The following NADSYN1 variants were observed in gnomAD, a reference collection of about 807,000 sequenced individuals.
NADSYN1 encodes NAD synthetase 1.
Under a neutral mutation model 99.3 loss-of-function variants are expected in NADSYN1, and 80 were observed. The observed-to-expected ratio is 0.81, with a 90% CI of 0.67 to 0.97. The LOEUF (loss-of-function observed/expected upper bound fraction) is 0.97. Ranked by LOEUF, NADSYN1 falls within the 50% of genes least tolerant of loss-of-function variation. The probability of loss-of-function intolerance (pLI) is 0.00; values close to 1 mark genes in which losing one functional copy is unlikely to be tolerated. For synonymous variants in NADSYN1, 385 were observed against 372.1 expected (o/e 1.03, Z -0.40); for missense variants, 859 against 948.5 (o/e 0.91, Z 1.24).
chr11:71,489,246 G>A (rs1949763675), intron 16 of NADSYN1, among the ~76,000 whole-genome samples: 1 of 152,104 alleles, frequency 6.6e-6, no homozygotes, highest in Non-Finnish European at 1.5e-5. Context: ...GGAACTCGGT[G>A]GTCCTGTATT....
At chr11:71,484,573 C>T in intron 15 of NADSYN1, 126 bp downstream of exon 15, 1 of 1,368,064 alleles carries the variant, frequency 7.3e-7, no homozygotes, top group Non-Finnish European at 9.7e-7. Context: ...CACCGGTTAC[C>T]TAGGGACAGC....
At position 71,481,908 on chromosome 11, in the gene NADSYN1, AT is replaced by A; in HGVS notation, c.1048-13del. 6.2e-7 allele frequency: 1 copy of A among 1,610,534 alleles called. No homozygotes were observed. Among genetic ancestry groups the A allele is most frequent in the South Asian group, 1.1e-5 (1 of 90,508 alleles). On this transcript the variant is annotated splice_polypyrimidine_tract_variant and intron_variant, in intron 12 of 20. Coordinates refer to ENST00000319023, the MANE Select transcript of NADSYN1 (RefSeq NM_018161.5). ...TCCGAGGCTCTGCTCACGCTGTCTG[AT>A]TGGTCCATTCCAGGCAGGGTTTTTG...
Position 71,488,129 on chromosome 11 carries a change from T to C in NADSYN1, c.1562+2481T>C, listed in dbSNP as rs531655904. On this transcript the variant is annotated intron_variant, in intron 16 of 20. Coordinates refer to ENST00000319023, the MANE Select transcript of NADSYN1 (RefSeq NM_018161.5). ...TTGTTGAATTGCTTCTGATTCTAGT[T>C]CAGTCGCATCCCTGTCTGCTCATCA... 3.9e-5 allele frequency among the ~76,000 whole-genome samples: 6 copies of C among 152,296 alleles called. No homozygotes were observed. In the South Asian group the frequency reaches 1.2e-3, roughly 32 times the overall value.
chr11:71,473,994 C>G (rs543636205), intron 8 of NADSYN1, among the ~76,000 whole-genome samples: 1 of 152,328 alleles, frequency 6.6e-6, no homozygotes, highest in Admixed American at 6.5e-5. Flanking sequence ...TTTGCTGCTC[C>G]TGCTGTTGGG....
intron 1 of NADSYN1, among the ~76,000 whole-genome samples, chr11:71,453,986 G>A (rs1010379524): frequency 1.3e-5 from 2 of 152,132 alleles, no homozygotes; most frequent in East Asian, 3.9e-4. Flanking sequence ...CGAAGATAGG[G>A]TGTGGTTGTT....
At chr11:71,457,536 A>G (rs552373518) in intron 2 of NADSYN1, among the ~76,000 whole-genome samples, 1 of 152,356 alleles carries the variant, frequency 6.6e-6, no homozygotes, top group South Asian at 2.1e-4. Flanking sequence ...AGATTATTGA[A>G]TTAATTCCTG....
At chr11:71,493,063 T>G (rs142523212) in intron 18 of NADSYN1, among the ~76,000 whole-genome samples, 51 of 152,106 alleles carry the variant, frequency 3.4e-4, no homozygotes, top group African/African-American at 1.1e-3. Flanking sequence ...AAGTTTTTTG[T>G]ATTTGTAGTA....
chr11:71,494,973 T>G (rs984205490), intron 18 of NADSYN1, among the ~76,000 whole-genome samples: 4 of 152,190 alleles, frequency 2.6e-5, no homozygotes, highest in Non-Finnish European at 5.9e-5. Context: ...TTTTTTTTAA[T>G]CTTTCCAAGC....
chr11:71,485,694 C>A, intron 16 of NADSYN1, 46 bp downstream of exon 16: 1 of 1,408,464 alleles, frequency 7.1e-7, no homozygotes, highest in African/African-American at 1.4e-5. Flanking sequence ...CTGAACCTCT[C>A]AGGTCTCTGA....
At chr11:71,455,208 G>A in intron 2 of NADSYN1, 38 bp downstream of exon 2, 1 of 1,541,892 alleles carries the variant, frequency 6.5e-7, no homozygotes, top group Admixed American at 1.7e-5. Context: ...TCGTCAGCTA[G>A]CGATACCAGC....
Position 71,474,378 on chromosome 11 carries a change from G to T in NADSYN1, c.667-17G>T. 3 of 1,613,998 alleles carry T rather than the reference G, an allele frequency of 1.9e-6. No individual in the cohort carries two copies. Among genetic ancestry groups the T allele is most frequent in the Non-Finnish European group, 2.5e-6 (3 of 1,179,918 alleles). On this transcript the variant is annotated splice_polypyrimidine_tract_variant and intron_variant, in intron 8 of 20. Coordinates refer to ENST00000319023, the MANE Select transcript of NADSYN1 (RefSeq NM_018161.5). ...GGACACAGCTGACCACTCCGCTATG[G>T]GGTCCTCCTTTTTCAGAACGGTGGG...
chr11:71,477,030 G>T, intron 9 of NADSYN1: 1 of 1,057,660 alleles, frequency 9.5e-7, no homozygotes, highest in Non-Finnish European at 1.1e-6. Flanking sequence ...CCTCCACCAG[G>T]TCCTCCGTGG....
At chr11:71,468,820 ATTTCATTTACCAG>A (rs1346651398) in intron 5 of NADSYN1, among the ~76,000 whole-genome samples, 1 of 152,262 alleles carries the variant, frequency 6.6e-6, no homozygotes, top group Non-Finnish European at 1.5e-5. Flanking sequence ...AGCCAGGTTC[ATTTCATTTACCAG>A]CAACATTCAG....
chr11:71,472,443 C>T lies in NADSYN1; in HGVS notation c.408-6C>T, dbSNP rs373187378. On this transcript the variant is annotated splice_polypyrimidine_tract_variant and splice_region_variant and intron_variant, in intron 5 of 20. Coordinates refer to ENST00000319023, the MANE Select transcript of NADSYN1 (RefSeq NM_018161.5). ...ATCCTCAGCTCCTCGGTGTTTTCCT[C>T]TCCAGGCACACAGAGGAGTACTTTC... is the stretch of plus-strand genomic sequence containing the variant. 1.2e-6 allele frequency: 2 copies of T among 1,610,344 alleles called. No homozygotes were observed. Among genetic ancestry groups the T allele is most frequent in the African/African-American group, 2.7e-5 (2 of 74,894 alleles).
intron 17 of NADSYN1, 45 bp downstream of exon 17, chr11:71,491,021 C>T: frequency 6.2e-7 from 1 of 1,610,916 alleles, no homozygotes; most frequent in Non-Finnish European, 8.5e-7. Context: ...CGGGGCTCCT[C>T]TCCCAGCACG....
At chr11:71,489,444 G>A (rs1368673084) in intron 16 of NADSYN1, among the ~76,000 whole-genome samples, 3 of 128,084 alleles carry the variant, frequency 2.3e-5, no homozygotes, top group South Asian at 5.4e-4. Flanking sequence ...CCCACGGGTC[G>A]CAGGTTGAGC....
At position 71,481,235 on chromosome 11, in the gene NADSYN1, C is replaced by T. The variant is rs1266135499; in HGVS notation, c.999-121C>T. 2.0e-5 allele frequency: 20 copies of T among 978,228 alleles called. No homozygotes were observed. In the East Asian group the frequency reaches 3.8e-4, roughly 19 times the overall value. The allele number at this position is 978,228 out of a possible 1,614,324, so 60.6% of individuals were successfully genotyped here. On this transcript the variant is annotated intron_variant, in intron 11 of 20. Coordinates refer to ENST00000319023, the MANE Select transcript of NADSYN1 (RefSeq NM_018161.5). ...ACGAGGTGCCTAAAGCAGAGACGGG[C>T]GTCCTGAGAGCCCAGCGTTGACTCT...
chr11:71,501,291 T>A lies in NADSYN1; in HGVS notation c.2071-11T>A. Reference sequence around the variant, plus strand: ...TTGCGGGGCTGTGGTGTCACAGGCCTCTCTTTCCAGGTGCTACAGCTCGAG... The same window carrying A: ...TTGCGGGGCTGTGGTGTCACAGGCCACTCTTTCCAGGTGCTACAGCTCGAG... On this transcript the variant is annotated splice_polypyrimidine_tract_variant and intron_variant, in intron 20 of 20. Coordinates refer to ENST00000319023, the MANE Select transcript of NADSYN1 (RefSeq NM_018161.5). The A allele has an allele frequency of 1.3e-6, 2 of 1,570,396 alleles. No homozygotes were observed. Among genetic ancestry groups the A allele is most frequent in the South Asian group, 1.2e-5 (1 of 84,888 alleles).
At chr11:71,495,510 C>T (rs1949813184) in intron 18 of NADSYN1, among the ~76,000 whole-genome samples, 1 of 152,182 alleles carries the variant, frequency 6.6e-6, no homozygotes, top group Admixed American at 6.5e-5. Flanking sequence ...GGGTGCAGTG[C>T]CCTGCAGGTG....
Sources: allele counts gnomAD v4.1 joint callset (sites outside exome capture counted in the v4.1 genomes callset), GRCh38; gene constraint gnomAD v4.1.1; transcripts MANE v1.5; gene names NCBI Gene and HGNC (gene_info 2026-07-23, HGNC 2026-07-21).